The following CDH18 variants were observed in gnomAD, a reference collection of about 807,000 sequenced individuals.
CDH18 encodes the protein cadherin 18, also known as cadherin-18.
CDH18 carries 31 observed loss-of-function variants against 67.9 expected under a neutral mutation model. The ratio of observed to expected loss-of-function variants is 0.46; its 90% confidence interval spans 0.34 to 0.62. The LOEUF is 0.62. CDH18 is among the 20% of genes least tolerant of loss of function. The pLI is 0.01. For synonymous variants in CDH18, 362 were observed against 347.2 expected (o/e 1.04, Z -0.48); for missense variants, 890 against 975.5 (o/e 0.91, Z 1.17).
At chr5:20,542,674 C>T (rs1443595841) in intron 1 of CDH18, among the ~76,000 whole-genome samples, 10 of 151,846 alleles carry the variant, frequency 6.6e-5, no homozygotes, top group East Asian at 3.9e-4. Context: ...ATTTTCCATA[C>T]GAAAGACATT....
chr5:20,219,709 G>A (rs1741073356), intron 2 of CDH18, among the ~76,000 whole-genome samples: 1 of 151,690 alleles, frequency 6.6e-6, no homozygotes, highest in Admixed American at 6.6e-5. Context: ...TATATGGTAT[G>A]AACAGAATGA....
chr5:19,503,157 T>A lies in CDH18; in HGVS notation c.1513-48A>T, dbSNP rs1302859738. On this transcript the variant is annotated intron_variant, in intron 10 of 12. Transcript: ENST00000382275. ...ATCGTAAATTTAATTTTGCTTGTTC[T>A]CTTGATTTTAATTACACTGTATTAT... 5.3e-6 allele frequency: 5 copies of A among 947,274 alleles called. No individual in the cohort carries two copies. In the South Asian group the frequency reaches 6.9e-5, roughly 13 times the overall value. The allele number at this position is 947,274 out of a possible 1,614,324, so 58.7% of individuals were successfully genotyped here.
At chr5:20,151,194 T>C (rs1751069349) in intron 2 of CDH18, among the ~76,000 whole-genome samples, 1 of 152,032 alleles carries the variant, frequency 6.6e-6, no homozygotes, top group South Asian at 2.1e-4. Context: ...TGATTTTATA[T>C]GTGCTCAATG....
At chr5:20,363,477 CA>C (rs1187140017) in intron 1 of CDH18, among the ~76,000 whole-genome samples, 67 of 101,296 alleles carry the variant, frequency 6.6e-4, no homozygotes, top group East Asian at 5.1e-3. Flanking sequence ...GACTCCGTAT[CA>C]AAAAAAAAAA....
At chr5:19,554,203 T>A (rs1278324027) in intron 8 of CDH18, among the ~76,000 whole-genome samples, 1 of 152,218 alleles carries the variant, frequency 6.6e-6, no homozygotes, top group African/African-American at 2.4e-5. Flanking sequence ...TTCCATCCAA[T>A]GAAGCAAAAT....
At chr5:20,535,565 T>C (rs1349040501) in intron 1 of CDH18, among the ~76,000 whole-genome samples, 1 of 152,116 alleles carries the variant, frequency 6.6e-6, no homozygotes, top group Non-Finnish European at 1.5e-5. Flanking sequence ...AGTGTGGAAA[T>C]TAGATTTTTT....
chr5:20,192,942 G>C (rs1738665298), intron 2 of CDH18, among the ~76,000 whole-genome samples: 1 of 152,082 alleles, frequency 6.6e-6, no homozygotes, highest in Non-Finnish European at 1.5e-5. Flanking sequence ...TACTTTGGGA[G>C]TGAAGTCATT....
chr5:20,104,612 C>T (rs914008552), intron 2 of CDH18, among the ~76,000 whole-genome samples: 5 of 152,104 alleles, frequency 3.3e-5, no homozygotes, highest in African/African-American at 1.2e-4. Flanking sequence ...TCCTTAACTT[C>T]CCCACCTGTC....
chr5:19,741,328 T>TCACACA (rs1491498918), intron 4 of CDH18, among the ~76,000 whole-genome samples: 9 of 38,258 alleles, frequency 2.4e-4, no homozygotes, highest in African/African-American at 4.7e-4. Context: ...TATATACATG[T>TCACACA]CTCACACACA....
Position 20,485,594 on chromosome 5 carries a change from G to A in CDH18, c.-580+89868C>T, listed in dbSNP as rs1390388653. Among the ~76,000 whole-genome samples the A allele has an allele frequency of 2.0e-5, 3 of 150,654 alleles. No homozygotes were observed. The East Asian group carries it at 5.8e-4, about 29-fold the overall frequency. ...ATTTCCTCTATTTCAAATTAATTTA[G>A]CCTTTTAATTTTTTCATATAATGTC... On this transcript the variant is annotated intron_variant, in intron 1 of 14. Transcript: ENST00000507958.
intron 4 of CDH18, among the ~76,000 whole-genome samples, chr5:19,741,980 C>G (rs189624788): frequency 6.6e-6 from 1 of 152,196 alleles, no homozygotes; most frequent in South Asian, 2.1e-4. Context: ...AAACTCGTTC[C>G]TAGAAGAATA....
At chr5:19,739,347 C>T (rs1188229702) in intron 4 of CDH18, among the ~76,000 whole-genome samples, 1 of 152,154 alleles carries the variant, frequency 6.6e-6, no homozygotes. Flanking sequence ...GCACACAAAG[C>T]AGGTCCCTAC....
At chr5:19,500,095 T>C (rs923403652) in intron 11 of CDH18, among the ~76,000 whole-genome samples, 2 of 151,794 alleles carry the variant, frequency 1.3e-5, no homozygotes, top group Non-Finnish European at 2.9e-5. Flanking sequence ...TAATGTTCTG[T>C]GGGCATGTAA....
chr5:19,492,143 T>G (rs2126676000), intron 11 of CDH18, among the ~76,000 whole-genome samples: 1 of 152,170 alleles, frequency 6.6e-6, no homozygotes, highest in East Asian at 1.9e-4. Flanking sequence ...GAGATAGAAA[T>G]GCACACACAA....
intron 2 of CDH18, among the ~76,000 whole-genome samples, chr5:20,027,678 G>A (rs766360404): frequency 1.3e-5 from 2 of 152,170 alleles, no homozygotes; most frequent in African/African-American, 2.4e-5. Flanking sequence ...TTGAGACTTT[G>A]TCTCATCTAC....
intron 2 of CDH18, among the ~76,000 whole-genome samples, chr5:20,101,431 C>T (rs555510539): frequency 6.6e-6 from 1 of 152,188 alleles, no homozygotes; most frequent in African/African-American, 2.4e-5. Context: ...ATAAACCTTC[C>T]AATGAGACAC....
intron 1 of CDH18, chr5:20,304,612 G>A (rs1736256477): frequency 6.2e-7 from 1 of 1,611,878 alleles, no homozygotes; most frequent in Admixed American, 1.7e-5. Context: ...GCCCAAAACA[G>A]AGCTATCAAC....
chr5:20,047,160 A>G (rs1178381389), intron 2 of CDH18, among the ~76,000 whole-genome samples: 2 of 151,858 alleles, frequency 1.3e-5, no homozygotes, highest in Admixed American at 6.6e-5. Flanking sequence ...AAAAAGCAGG[A>G]GAGACGAGGC....
chr5:20,429,205 A>C (rs945406018), intron 1 of CDH18, among the ~76,000 whole-genome samples: 1 of 152,096 alleles, frequency 6.6e-6, no homozygotes, highest in Non-Finnish European at 1.5e-5. Flanking sequence ...GCAGGTTGAG[A>C]AAAGTATGCT....
Sources: allele counts gnomAD v4.1 joint callset (sites outside exome capture counted in the v4.1 genomes callset), GRCh38; gene constraint gnomAD v4.1.1; transcripts MANE v1.5; gene names NCBI Gene and HGNC (gene_info 2026-07-23, HGNC 2026-07-21).